DPF3: variants seen among roughly 807,000 people sequenced by gnomAD.
The protein encoded by DPF3 is double PHD fingers 3.
In DPF3, 18 loss-of-function variants were observed where a neutral mutation model predicts 56.8. The ratio of observed to expected loss-of-function variants is 0.32; its 90% CI spans 0.22 to 0.47. DPF3 has a LOEUF of 0.47. Among genes scored for constraint, DPF3 ranks in the 20% least tolerant of loss-of-function variants. DPF3 has a pLI of 1.00. For synonymous variants in DPF3, 188 were observed against 180.2 expected, an observed-to-expected ratio of 1.04 and a Z score of -0.35; for missense variants, 403 against 488.8, an observed-to-expected ratio of 0.82 and a Z score of 1.65.
At position 72,863,058 on chromosome 14, in the gene DPF3, TTATATATATA is replaced by T. The variant is rs58405648; in HGVS notation, c.32+30989_32+30998del. Among the ~76,000 whole-genome samples, 621 of 139,804 alleles carry T rather than the reference TTATATATATA, an allele frequency of 4.4e-3. 5 individuals carry two copies. The highest frequency in any genetic ancestry group is 0.014 in the Middle Eastern group (4 of 276). The allele number at this position is 139,804 out of a possible 152,430, so 91.7% of individuals were successfully genotyped here. On this transcript the variant is annotated intron_variant, in intron 1 of 10. Transcript: ENST00000556509. The stretch of plus-strand genomic sequence containing the variant: ...TCTCCTTCCAGATATATTATTCCAT[TTATATATATA>T]TATATATATATATATATATATATAT...
intron 3 of DPF3, among the ~76,000 whole-genome samples, chr14:72,751,370 C>G (rs1413345236): frequency 6.6e-6 from 1 of 152,190 alleles, no homozygotes; most frequent in South Asian, 2.1e-4. Context: ...ACCAGCATTT[C>G]TCACACTTCA....
At chr14:72,707,699 T>C (rs977086551) in intron 6 of DPF3, among the ~76,000 whole-genome samples, 1 of 152,136 alleles carries the variant, frequency 6.6e-6, no homozygotes, top group African/African-American at 2.4e-5. Context: ...TGTGTGTGTA[T>C]GTGTGTATAG....
At chr14:72,760,197 G>A (rs865782988) in intron 2 of DPF3, among the ~76,000 whole-genome samples, 36 of 152,270 alleles carry the variant, frequency 2.4e-4, no homozygotes, top group Middle Eastern at 3.4e-3. Flanking sequence ...ATGGCCGGGC[G>A]CGGTGGCTCA....
At position 72,609,283 on chromosome 14, in the gene DPF3, C is replaced by G. The variant is rs753305783; in HGVS notation, c.*10014G>C. Among the ~76,000 whole-genome samples, 2 of 152,156 alleles carry G rather than the reference C, an allele frequency of 1.3e-5. No individual in the cohort carries two copies. Among genetic ancestry groups the G allele is most frequent in the Non-Finnish European group, 2.9e-5 (2 of 68,032 alleles). ...CAGCGACAGGTCTCCCTCCCAGAAC[C>G]CCATCAGGACAGGAGAAAAGGCAGC... On this transcript the variant is annotated 3_prime_UTR_variant, in exon 11 of 11. Coordinates refer to ENST00000556509, the MANE Select transcript of DPF3 (RefSeq NM_001280542.3).
At chr14:72,622,322 G>T (rs1414085636) in intron 9 of DPF3, among the ~76,000 whole-genome samples, 2 of 152,044 alleles carry the variant, frequency 1.3e-5, no homozygotes, top group African/African-American at 2.4e-5. Flanking sequence ...GACTGAAAAG[G>T]AACAGTCAGA....
At chr14:72,764,199 G>A (rs1010759219) in intron 2 of DPF3, among the ~76,000 whole-genome samples, 2 of 152,168 alleles carry the variant, frequency 1.3e-5, no homozygotes, top group African/African-American at 4.8e-5. Context: ...CCTCCAGGAA[G>A]AAAAGAGGCA....
intron 7 of DPF3, among the ~76,000 whole-genome samples, chr14:72,691,689 T>C (rs941523839): frequency 2.7e-5 from 4 of 150,912 alleles, no homozygotes; most frequent in African/African-American, 9.8e-5. Flanking sequence ...ATCACGCCAC[T>C]GTACTCCAGC....
At chr14:72,864,933 G>C (rs1440013177) in intron 1 of DPF3, among the ~76,000 whole-genome samples, 2 of 152,214 alleles carry the variant, frequency 1.3e-5, no homozygotes, top group Non-Finnish European at 2.9e-5. Flanking sequence ...AAGCCAATAT[G>C]ACTCGGGACC....
At chr14:72,853,566 C>A (rs1033023854) in intron 1 of DPF3, among the ~76,000 whole-genome samples, 5 of 151,256 alleles carry the variant, frequency 3.3e-5, no homozygotes, top group Non-Finnish European at 5.9e-5. Flanking sequence ...CCTCTGCCTC[C>A]CAGATTCAAG....
At chr14:72,670,655 C>T in intron 8 of DPF3, 4 of 990,396 alleles carry the variant, frequency 4.0e-6, no homozygotes, top group Non-Finnish European at 4.8e-6. Flanking sequence ...CTCTCTCTCT[C>T]TCTCGCAAAA....
intron 2 of DPF3, among the ~76,000 whole-genome samples, chr14:72,761,582 T>A (rs1891071561): frequency 6.6e-6 from 1 of 151,898 alleles, no homozygotes; most frequent in Non-Finnish European, 1.5e-5. Context: ...GGAAATTATA[T>A]CAGAAAATGA....
chr14:72,881,935 G>A (rs1039028603), intron 1 of DPF3, among the ~76,000 whole-genome samples: 1 of 150,568 alleles, frequency 6.6e-6, no homozygotes. Flanking sequence ...AAAATGATGA[G>A]CTGGGTAAGT....
intron 1 of DPF3, among the ~76,000 whole-genome samples, chr14:72,872,110 G>A (rs1413958229): frequency 1.3e-5 from 2 of 152,190 alleles, no homozygotes; most frequent in African/African-American, 2.4e-5. Context: ...ACCCTCTGAA[G>A]TCACAGCCCG....
At chr14:72,689,185 G>A (rs912304352) in intron 7 of DPF3, among the ~76,000 whole-genome samples, 2 of 152,156 alleles carry the variant, frequency 1.3e-5, no homozygotes, top group Non-Finnish European at 2.9e-5. Context: ...TGAGCCATGG[G>A]CTCTGCTGAA....
intron 8 of DPF3, among the ~76,000 whole-genome samples, chr14:72,659,104 T>C (rs1227604014): frequency 6.6e-6 from 1 of 152,074 alleles, no homozygotes; most frequent in Non-Finnish European, 1.5e-5. Context: ...TGCTTCCTGG[T>C]TTGAGACACT....
At chr14:72,731,106 C>T (rs941514351) in intron 4 of DPF3, among the ~76,000 whole-genome samples, 2 of 152,146 alleles carry the variant, frequency 1.3e-5, no homozygotes, top group African/African-American at 2.4e-5. Flanking sequence ...GCAGAGTTTG[C>T]AGTGAGCCGA....
At chr14:72,755,826 G>C (rs963716491) in intron 2 of DPF3, among the ~76,000 whole-genome samples, 2 of 152,128 alleles carry the variant, frequency 1.3e-5, no homozygotes, top group African/African-American at 4.8e-5. Flanking sequence ...GGAGCTCCCT[G>C]GCCCCTTCCT....
chr14:72,704,076 A>C (rs906959666), intron 6 of DPF3, among the ~76,000 whole-genome samples: 10 of 152,212 alleles, frequency 6.6e-5, no homozygotes, highest in Non-Finnish European at 1.5e-4. Context: ...ACAAAGGCTC[A>C]AAGTGGTTTT....
chr14:72,828,201 T>C (rs1883895747), intron 1 of DPF3, among the ~76,000 whole-genome samples: 1 of 152,162 alleles, frequency 6.6e-6, no homozygotes, highest in South Asian at 2.1e-4. Context: ...CAAACAGTGG[T>C]TGAGTACCTG....
Sources: gnomAD v4.1 joint callset for allele counts (sites outside exome capture counted in the v4.1 genomes callset) on GRCh38, gnomAD v4.1.1 for gene constraint, MANE v1.5 for transcripts, NCBI Gene and HGNC (gene_info 2026-07-23, HGNC 2026-07-21) for gene names.